CHCHD3: variants seen among roughly 807,000 people sequenced by gnomAD.
The protein encoded by CHCHD3 is MICOS complex subunit MIC19.
Under a neutral mutation model 38.2 loss-of-function variants are expected in CHCHD3, and 20 were observed. The observed-to-expected ratio is 0.52, with a 90% CI of 0.37 to 0.76. The LOEUF (loss-of-function observed/expected upper bound fraction) is 0.76. Ranked by LOEUF, CHCHD3 falls within the 30% of genes least tolerant of loss-of-function variation. The pLI, the probability that CHCHD3 is intolerant of heterozygous loss-of-function variation, is 0.00. For synonymous variants in CHCHD3, 82 were observed against 100.0 expected, an observed-to-expected ratio of 0.82 and a Z score of 1.07; for missense variants, 245 against 279.2, an observed-to-expected ratio of 0.88 and a Z score of 0.87.
At chr7:132,896,603 T>C (rs1809506166) in intron 4 of CHCHD3, among the ~76,000 whole-genome samples, 1 of 152,178 alleles carries the variant, frequency 6.6e-6, no homozygotes, top group Non-Finnish European at 1.5e-5. Flanking sequence ...AAATAAATGC[T>C]GAATCAAAAC....
chr7:132,883,884 C>A (rs1310747796), intron 5 of CHCHD3, among the ~76,000 whole-genome samples: 1 of 152,112 alleles, frequency 6.6e-6, no homozygotes, highest in Non-Finnish European at 1.5e-5. Flanking sequence ...CACCAACATC[C>A]CAATCCATAT....
chr7:132,934,775 G>A (rs1585652573), intron 4 of CHCHD3, among the ~76,000 whole-genome samples: 1 of 152,160 alleles, frequency 6.6e-6, no homozygotes, highest in Admixed American at 6.5e-5. Context: ...GACACATGGG[G>A]CAATAACCTT....
intron 4 of CHCHD3, among the ~76,000 whole-genome samples, chr7:132,963,694 T>TACATACACACACACACAC (rs146626206): frequency 6.7e-6 from 1 of 148,796 alleles, no homozygotes; most frequent in Non-Finnish European, 1.5e-5. Flanking sequence ...CAAACGATTA[T>TACATACACACACACACAC]ACACACACAC....
At chr7:132,883,392 A>C (rs1374578052) in intron 5 of CHCHD3, among the ~76,000 whole-genome samples, 1 of 152,182 alleles carries the variant, frequency 6.6e-6, no homozygotes. Context: ...GAAAAATAAG[A>C]TGCTCCACAT....
intron 4 of CHCHD3, among the ~76,000 whole-genome samples, chr7:132,902,363 A>G (rs1338849470): frequency 6.6e-6 from 1 of 152,164 alleles, no homozygotes; most frequent in Non-Finnish European, 1.5e-5. Context: ...AAAGACACAC[A>G]CATACGTATG....
At chr7:133,042,208 A>G (rs1394265317) in intron 2 of CHCHD3, among the ~76,000 whole-genome samples, 1 of 152,192 alleles carries the variant, frequency 6.6e-6, no homozygotes, top group Non-Finnish European at 1.5e-5. Context: ...CTTAAAAGCA[A>G]GCTTGGTTGA....
chr7:133,042,742 T>C (rs544661939), intron 2 of CHCHD3, among the ~76,000 whole-genome samples: 71 of 152,356 alleles, frequency 4.7e-4, no homozygotes, highest in African/African-American at 1.5e-3. Context: ...AAGAAACCTT[T>C]GGTAATATTT....
chr7:132,955,609 T>A (rs754388515), intron 4 of CHCHD3, among the ~76,000 whole-genome samples: 1 of 151,920 alleles, frequency 6.6e-6, no homozygotes, highest in Non-Finnish European at 1.5e-5. Context: ...CCTTTTATAA[T>A]GTGGATGGGC....
chr7:132,864,633 T>C (rs1023758929), intron 5 of CHCHD3, among the ~76,000 whole-genome samples: 3 of 152,140 alleles, frequency 2.0e-5, no homozygotes, highest in African/African-American at 7.2e-5. Context: ...GTACTGTGAT[T>C]TGTCCATCTG....
At chr7:132,941,909 A>C (rs1334568130) in intron 4 of CHCHD3, among the ~76,000 whole-genome samples, 2 of 152,190 alleles carry the variant, frequency 1.3e-5, no homozygotes, top group Admixed American at 6.5e-5. Flanking sequence ...TCACAGTTTC[A>C]AAGCACTTTC....
intron 3 of CHCHD3, among the ~76,000 whole-genome samples, chr7:133,005,973 G>A (rs1370995880): frequency 5.3e-5 from 8 of 152,094 alleles, no homozygotes; most frequent in Non-Finnish European, 8.8e-5. Context: ...GTTGTATCTC[G>A]CCAGCTACAT....
At chr7:132,878,436 C>A (rs560510443) in intron 5 of CHCHD3, among the ~76,000 whole-genome samples, 9 of 152,260 alleles carry the variant, frequency 5.9e-5, no homozygotes, top group Admixed American at 2.0e-4. Flanking sequence ...TGTCATCTGC[C>A]ATAAGTGAGA....
At chr7:133,017,101 T>C (rs762795989) in intron 3 of CHCHD3, among the ~76,000 whole-genome samples, 2 of 152,198 alleles carry the variant, frequency 1.3e-5, no homozygotes, top group Non-Finnish European at 2.9e-5. Context: ...CCTGGGTCTT[T>C]AGGAAGGAAA....
At chr7:132,994,680 C>T (rs1812369735) in intron 3 of CHCHD3, among the ~76,000 whole-genome samples, 1 of 147,302 alleles carries the variant, frequency 6.8e-6, no homozygotes, top group African/African-American at 2.4e-5. Flanking sequence ...ACAATCACAA[C>T]AATTGTTATT....
intron 4 of CHCHD3, among the ~76,000 whole-genome samples, chr7:132,917,311 C>T (rs951229022): frequency 6.6e-6 from 1 of 152,098 alleles, no homozygotes; most frequent in African/African-American, 2.4e-5. Flanking sequence ...AAAAATTAAT[C>T]CCATACTCAG....
intron 7 of CHCHD3, among the ~76,000 whole-genome samples, chr7:132,793,592 G>A (rs941653969): frequency 1.2e-4 from 18 of 152,154 alleles, no homozygotes; most frequent in African/African-American, 4.3e-4. Flanking sequence ...GAAGAGTAAG[G>A]CTAAGGAATA....
intron 2 of CHCHD3, among the ~76,000 whole-genome samples, chr7:133,068,903 G>A (rs1814744892): frequency 1.3e-5 from 2 of 152,274 alleles, no homozygotes; most frequent in African/African-American, 2.4e-5. Flanking sequence ...GAATCTGTAA[G>A]GGGAGATTTT....
At chr7:132,834,329 A>G (rs1807722724) in intron 6 of CHCHD3, among the ~76,000 whole-genome samples, 1 of 152,152 alleles carries the variant, frequency 6.6e-6, no homozygotes, top group South Asian at 2.1e-4. Context: ...AAAATACAAC[A>G]TTCTAGGAAG....
At chr7:133,009,821 G>A (rs940802857) in intron 3 of CHCHD3, among the ~76,000 whole-genome samples, 16 of 152,096 alleles carry the variant, frequency 1.1e-4, no homozygotes, top group African/African-American at 2.4e-4. Context: ...TGTTCATGTC[G>A]TTTCAAATTT....
Sources: allele counts gnomAD v4.1 joint callset (sites outside exome capture counted in the v4.1 genomes callset), GRCh38; gene constraint gnomAD v4.1.1; transcripts MANE v1.5; gene names NCBI Gene and HGNC (gene_info 2026-07-23, HGNC 2026-07-21).